TRPM3: variants seen among roughly 807,000 people sequenced by gnomAD.
TRPM3 encodes the protein long transient receptor potential channel 3.
A neutral mutation model predicts 181.2 loss-of-function variants in TRPM3; 77 were observed. That is an observed-to-expected ratio of 0.42 (90% CI 0.35 to 0.51). TRPM3 has a LOEUF of 0.51. Among genes scored for constraint, TRPM3 ranks in the 20% least tolerant of loss-of-function variants. The probability of loss-of-function intolerance (pLI) is 0.01; values close to 1 mark genes in which losing one functional copy is unlikely to be tolerated. For missense variants in TRPM3, 1,759 were observed against 2,196.7 expected (o/e 0.80, Z 3.98); for synonymous variants, 745 against 796.4 (o/e 0.94, Z 1.09).
intron 1 of TRPM3, among the ~76,000 whole-genome samples, chr9:70,931,353 T>A (rs535038006): frequency 6.6e-6 from 1 of 152,100 alleles, no homozygotes; most frequent in Non-Finnish European, 1.5e-5. Flanking sequence ...GTTATATAAT[T>A]TTGAGAGCAG....
intron 1 of TRPM3, among the ~76,000 whole-genome samples, chr9:71,075,105 G>A: frequency 6.6e-6 from 1 of 151,932 alleles, no homozygotes; most frequent in East Asian, 1.9e-4. Flanking sequence ...CATTGCACTT[G>A]TTTTGTTTTC....
At chr9:70,791,992 G>T (rs1678484156) in intron 6 of TRPM3, among the ~76,000 whole-genome samples, 1 of 152,048 alleles carries the variant, frequency 6.6e-6, no homozygotes, top group Admixed American at 6.6e-5. Context: ...ACAGAAGCTG[G>T]GCAGTGGATG....
intron 1 of TRPM3, among the ~76,000 whole-genome samples, chr9:70,914,846 C>G (rs1387466047): frequency 1.3e-5 from 2 of 152,184 alleles, no homozygotes; most frequent in Non-Finnish European, 2.9e-5. Flanking sequence ...CCAAGACCAT[C>G]AAGACAGTAC....
chr9:70,951,816 T>C (rs998394670), intron 1 of TRPM3, among the ~76,000 whole-genome samples: 6 of 152,180 alleles, frequency 3.9e-5, no homozygotes, highest in Admixed American at 3.3e-4. Flanking sequence ...ATGCCTTAAC[T>C]AACAAACATT....
intron 1 of TRPM3, among the ~76,000 whole-genome samples, chr9:71,172,074 T>G (rs2076892375): frequency 6.6e-6 from 1 of 152,002 alleles, no homozygotes; most frequent in East Asian, 1.9e-4. Context: ...AGTTTTTTTG[T>G]TTTTATTTTT....
intron 1 of TRPM3, among the ~76,000 whole-genome samples, chr9:71,352,380 T>A (rs931064319): frequency 6.6e-6 from 1 of 152,212 alleles, no homozygotes; most frequent in African/African-American, 2.4e-5. Flanking sequence ...ATTCATTATA[T>A]TCAACTTATT....
chr9:70,787,763 C>CTTTTTTTTTTTTTTTTTTTTTTGTATT (rs2084089646), intron 6 of TRPM3, among the ~76,000 whole-genome samples: 1 of 68,558 alleles, frequency 1.5e-5, no homozygotes, highest in Non-Finnish European at 2.6e-5. Context: ...TTTTTGGATT[C>CTTTTTTTTTTTTTTTTTTTTTTGTATT]TTTTTTTTTT....
intron 1 of TRPM3, among the ~76,000 whole-genome samples, chr9:71,084,512 T>C (rs1360355568): frequency 6.6e-6 from 1 of 151,910 alleles, no homozygotes; most frequent in Non-Finnish European, 1.5e-5. Context: ...AAGAATGCAA[T>C]CTCATGTACA....
intron 1 of TRPM3, among the ~76,000 whole-genome samples, chr9:71,198,668 CTGTT>C (rs1473298732): frequency 1.3e-5 from 2 of 151,370 alleles, no homozygotes; most frequent in Non-Finnish European, 1.5e-5. Flanking sequence ...ATTTGGCTCT[CTGTT>C]TGTCTGTTAT....
intron 21 of TRPM3, among the ~76,000 whole-genome samples, chr9:70,594,289 GTATTAT>G (rs149863072): frequency 6.6e-6 from 1 of 151,960 alleles, no homozygotes; most frequent in Non-Finnish European, 1.5e-5. Context: ...AAATGTTAAT[GTATTAT>G]TATTATTAGA....
chr9:70,742,748 T>C (rs1449502121), intron 8 of TRPM3, among the ~76,000 whole-genome samples: 3 of 152,198 alleles, frequency 2.0e-5, no homozygotes, highest in Non-Finnish European at 2.9e-5. Flanking sequence ...ATAGTAACAG[T>C]TGTCCTGCCT....
intron 1 of TRPM3, among the ~76,000 whole-genome samples, chr9:70,922,295 A>G (rs989934848): frequency 6.6e-6 from 1 of 151,992 alleles, no homozygotes; most frequent in African/African-American, 2.4e-5. Context: ...CTCCCCACAA[A>G]TCCTGTCCCC....
At chr9:70,923,901 CACACACACATATATACATATAT>C (rs1258257282) in intron 1 of TRPM3, among the ~76,000 whole-genome samples, 4 of 143,444 alleles carry the variant, frequency 2.8e-5, no homozygotes, top group South Asian at 2.3e-4. Flanking sequence ...TATATACATA[CACACACACATATATACATATAT>C]ACACACATAT....
At chr9:70,946,768 T>A (rs748382585) in intron 1 of TRPM3, among the ~76,000 whole-genome samples, 5 of 152,010 alleles carry the variant, frequency 3.3e-5, no homozygotes, top group Non-Finnish European at 7.4e-5. Context: ...GTATTCAACA[T>A]CTTAACTTGC....
At chr9:70,632,961 A>C (rs915739231) in intron 12 of TRPM3, among the ~76,000 whole-genome samples, 2 of 152,232 alleles carry the variant, frequency 1.3e-5, no homozygotes, top group African/African-American at 4.8e-5. Context: ...TATGGGGAAA[A>C]GAAAGTAATG....
chr9:70,896,500 G>A (rs894726286), intron 1 of TRPM3, among the ~76,000 whole-genome samples: 7 of 151,956 alleles, frequency 4.6e-5, no homozygotes, highest in Non-Finnish European at 7.4e-5. Flanking sequence ...CAGTACAGGC[G>A]GCCACAGAAA....
intron 1 of TRPM3, among the ~76,000 whole-genome samples, chr9:70,954,735 C>T (rs750071684): frequency 3.9e-5 from 6 of 152,084 alleles, no homozygotes; most frequent in Admixed American, 1.3e-4. Context: ...GAAATGGTTT[C>T]GAAGAGCAAC....
At chr9:71,044,860 A>G (rs2059246081) in intron 1 of TRPM3, among the ~76,000 whole-genome samples, 1 of 151,600 alleles carries the variant, frequency 6.6e-6, no homozygotes, top group Non-Finnish European at 1.5e-5. Flanking sequence ...TTTAGTAGAG[A>G]CGGGGTTTCA....
At chr9:71,322,486 C>T (rs2132474735) in intron 1 of TRPM3, among the ~76,000 whole-genome samples, 1 of 152,232 alleles carries the variant, frequency 6.6e-6, no homozygotes, top group African/African-American at 2.4e-5. Flanking sequence ...AACATCTCAT[C>T]CAGTCATACT....
Sources: allele counts gnomAD v4.1 joint callset (sites outside exome capture counted in the v4.1 genomes callset), GRCh38; gene constraint gnomAD v4.1.1; transcripts MANE v1.5; gene names NCBI Gene and HGNC (gene_info 2026-07-23, HGNC 2026-07-21).